ZNF469: variants seen among roughly 807,000 people sequenced by gnomAD.
ZNF469 encodes the protein zinc finger protein 469.
A neutral mutation model predicts 1.0 loss-of-function variants in ZNF469; 1 was observed. That is an observed-to-expected ratio of 1.00 (90% CI 0.35 to 4.73). The LOEUF (loss-of-function observed/expected upper bound fraction) is 4.73, where lower values mean the gene tolerates loss of function less well. ZNF469 is among the 30% of genes most tolerant of loss of function. ZNF469 has a pLI of 0.16. For missense variants in ZNF469, 6,100 were observed against 5,356.3 expected (o/e 1.14, Z -4.33); for synonymous variants, 2,703 against 2,363.4 (o/e 1.14, Z -4.17).
At chr16:88,197,774 G>A in the ZNF469 span, among the ~76,000 whole-genome samples, 16 of 152,344 alleles carry the variant, frequency 1.1e-4, no homozygotes, top group African/African-American at 3.1e-4. Flanking sequence ...CACCTGGAGA[G>A]TGTGTGCTGG....
At chr16:88,366,376 A>T in the ZNF469 span, among the ~76,000 whole-genome samples, 49 of 151,370 alleles carry the variant, frequency 3.2e-4, no homozygotes, top group African/African-American at 1.0e-3. Context: ...CATCAGCCCC[A>T]TCATCACCTT....
the ZNF469 span, among the ~76,000 whole-genome samples, chr16:88,214,046 GT>G: frequency 6.6e-6 from 1 of 152,142 alleles, no homozygotes. Flanking sequence ...TCAGATTTGG[GT>G]GGTTACTCTT....
At chr16:88,200,357 G>C in the ZNF469 span, among the ~76,000 whole-genome samples, 5,866 of 152,294 alleles carry the variant, frequency 0.039, 296 homozygotes, top group East Asian at 0.18. Flanking sequence ...AGAAGCCTCA[G>C]AGCTGGAAGG....
rs745592403 is a variant in ZNF469, at chr16:88,436,569, C to G, written c.9099C>G (p.Pro3033=). 1 of 1,542,100 alleles carries G rather than the reference C, an allele frequency of 6.5e-7. No homozygotes were observed. The highest frequency in any genetic ancestry group is 8.8e-7 in the Non-Finnish European group (1 of 1,141,570). The part of the protein sequence containing the change: ...LERERCDGGL[P]GNTHLLPLRA... ...GAGAACGCTGTGACGGTGGGCTTCC[C>G]GGGAACACCCACCTGCTGCCGCTCC... The change falls in exon 3 of 3, where the codon CCC becomes CCG. Residue 3033 remains proline (P), a synonymous_variant. Coordinates refer to ENST00000565624, the MANE Select transcript of ZNF469 (RefSeq NM_001367624.2).
chr16:88,431,625 C>G lies in ZNF469; in HGVS notation c.4155C>G (p.Leu1385=). The change falls in exon 3 of 3, where the codon CTC becomes CTG. Residue 1385 remains leucine, a synonymous_variant. Transcript: ENST00000565624. ...PYSSPHSELF[L]GPKDLAGCFL... is the part of the protein sequence containing the mutation. ...GCAGCCCCCACAGTGAGTTGTTCCT[C>G]GGACCCAAAGACCTGGCTGGCTGTT... 6.4e-7 allele frequency: 1 copy of G among 1,550,486 alleles called. No individual in the cohort carries two copies. Among genetic ancestry groups the G allele is most frequent in the Non-Finnish European group, 8.7e-7 (1 of 1,146,994 alleles).
At chr16:88,133,901 C>T in the ZNF469 span, among the ~76,000 whole-genome samples, 4 of 152,188 alleles carry the variant, frequency 2.6e-5, no homozygotes, top group African/African-American at 9.7e-5. Context: ...CGAGACCAGC[C>T]TGGCCAACAT....
chr16:88,319,565 G>T, the ZNF469 span, among the ~76,000 whole-genome samples: 2 of 152,190 alleles, frequency 1.3e-5, no homozygotes, highest in African/African-American at 4.8e-5. Context: ...AGGGGAAGCA[G>T]CGGGGCCACT....
rs534477237 is a variant in ZNF469, at chr16:88,428,565, G to A, written c.1095G>A (p.Pro365=). 99 of 1,550,146 alleles carry A rather than the reference G, an allele frequency of 6.4e-5. No homozygotes were observed. The East Asian group carries it at 1.5e-3, about 24-fold the overall frequency. Residue 365 remains proline (P), a synonymous_variant, in exon 3 of 3, where the codon CCG becomes CCA. Transcript: ENST00000565624. ...CCCCTGGAGCTGCTCACTCGGCCCCGAGACCCTTCTCTGACAGTTTACACA... is the reference window on the plus strand; with the variant it reads ...CCCCTGGAGCTGCTCACTCGGCCCCAAGACCCTTCTCTGACAGTTTACACA... ...LSSPGAAHSA[P]RPFSDSLHKS... is the part of the protein sequence containing the mutation.
the ZNF469 span, among the ~76,000 whole-genome samples, chr16:88,243,949 T>TATATATATAA: frequency 0.02 from 1,858 of 94,052 alleles, 245 homozygotes; most frequent in Non-Finnish European, 0.034. Context: ...TATATATATA[T>TATATATATAA]ATAAATGTAT....
At chr16:88,324,332 C>G in the ZNF469 span, among the ~76,000 whole-genome samples, 1 of 148,054 alleles carries the variant, frequency 6.8e-6, no homozygotes, top group African/African-American at 2.5e-5. Flanking sequence ...CCCACACACA[C>G]CCCTTATGGG....
the ZNF469 span, among the ~76,000 whole-genome samples, chr16:88,250,178 C>T: frequency 6.6e-6 from 1 of 152,186 alleles, no homozygotes; most frequent in Admixed American, 6.5e-5. Flanking sequence ...GACCAACACC[C>T]CAGAGATGCT....
At chr16:88,336,545 G>C in the ZNF469 span, among the ~76,000 whole-genome samples, 1 of 143,632 alleles carries the variant, frequency 7.0e-6, no homozygotes, top group East Asian at 2.1e-4. Context: ...AGACACTGAT[G>C]TGCCAATACC....
chr16:88,118,994 A>G, the ZNF469 span, among the ~76,000 whole-genome samples: 1 of 152,180 alleles, frequency 6.6e-6, no homozygotes, highest in Non-Finnish European at 1.5e-5. Flanking sequence ...TAGCCCCAAG[A>G]CAATGAGAGG....
At chr16:88,238,887 C>T in the ZNF469 span, among the ~76,000 whole-genome samples, 1 of 152,214 alleles carries the variant, frequency 6.6e-6, no homozygotes, top group African/African-American at 2.4e-5. Flanking sequence ...AAGTTCCTGC[C>T]CCTCAGCCTT....
At chr16:88,257,548 A>G in the ZNF469 span, among the ~76,000 whole-genome samples, 41 of 152,086 alleles carry the variant, frequency 2.7e-4, no homozygotes, top group Non-Finnish European at 5.0e-4. Flanking sequence ...TCTTTCCTGG[A>G]TCCTGCCTTT....
chr16:88,415,244 C>T (rs750514358), intron 1 of ZNF469, among the ~76,000 whole-genome samples: 11 of 152,116 alleles, frequency 7.2e-5, no homozygotes, highest in South Asian at 2.1e-4. Flanking sequence ...AGGCCAGTGC[C>T]GGTCACAGCT....
chr16:88,302,604 G>A, the ZNF469 span: 1 of 152,290 alleles, frequency 6.6e-6, no homozygotes, highest in African/African-American at 2.4e-5. Flanking sequence ...GAGATACAGG[G>A]TCAGGCTGTG....
intron 1 of ZNF469, among the ~76,000 whole-genome samples, chr16:88,423,375 G>A (rs1905568655): frequency 6.6e-6 from 1 of 151,846 alleles, no homozygotes; most frequent in African/African-American, 2.4e-5. Flanking sequence ...GTGGCTTCCT[G>A]CAGTTCTTCA....
Position 88,428,061 on chromosome 16 carries a change from C to T in ZNF469, c.591C>T (p.Thr197=). The T allele has an allele frequency of 1.3e-6, 2 of 1,549,968 alleles. No homozygotes were observed. The highest frequency in any genetic ancestry group is 1.7e-6 in the Non-Finnish European group (2 of 1,146,852). The change falls in exon 3 of 3, where the codon ACC becomes ACT. Residue 197 remains threonine (T), a synonymous_variant. Coordinates refer to ENST00000565624, the MANE Select transcript of ZNF469 (RefSeq NM_001367624.2). ...PPSSFTSTNY[T]SPSATPRPPA... ...CCAGCTTTACCTCCACCAACTATAC[C>T]TCACCAAGCGCCACCCCCAGGCCCC...
Sources: gnomAD v4.1 joint callset for allele counts (sites outside exome capture counted in the v4.1 genomes callset) on GRCh38, gnomAD v4.1.1 for gene constraint, MANE v1.5 for transcripts, NCBI Gene and HGNC (gene_info 2026-07-23, HGNC 2026-07-21) for gene names.